Variants in GRIN2A observed in about 807,000 individuals in gnomAD.
GRIN2A encodes the protein glutamate ionotropic receptor NMDA type subunit 2A.
A neutral mutation model predicts 113.4 loss-of-function variants in GRIN2A; 22 were observed. The observed-to-expected ratio is 0.19, with a 90% CI of 0.14 to 0.28. The LOEUF is 0.28. GRIN2A is among the 10% of genes least tolerant of loss of function. The pLI is 1.00. For synonymous variants in GRIN2A, 827 were observed against 738.4 expected (o/e 1.12, Z -1.94); for missense variants, 1,502 against 1,887.0 (o/e 0.80, Z 3.78).
chr16:10,040,165 A>G (rs1041386259), intron 2 of GRIN2A, among the ~76,000 whole-genome samples: 1 of 52,694 alleles, frequency 1.9e-5, no homozygotes, highest in Non-Finnish European at 3.9e-5. Context: ...AACTTCACTC[A>G]GTGCACATGC....
chr16:9,982,709 T>C (rs1374745344), intron 2 of GRIN2A, among the ~76,000 whole-genome samples: 1 of 152,232 alleles, frequency 6.6e-6, no homozygotes, highest in Non-Finnish European at 1.5e-5. Context: ...GTTCCATCTT[T>C]GGCCAGTTGA....
chr16:10,083,165 C>T (rs560898996), intron 2 of GRIN2A, among the ~76,000 whole-genome samples: 1 of 152,336 alleles, frequency 6.6e-6, no homozygotes, highest in Admixed American at 6.5e-5. Context: ...AAGAAACCCC[C>T]ACATTTGTCA....
intron 9 of GRIN2A, 152 bp from the exon 10 acceptor site, chr16:9,822,576 T>G: frequency 1.5e-6 from 1 of 686,812 alleles, no homozygotes; most frequent in Non-Finnish European, 2.6e-6. Context: ...AAAATGTTGC[T>G]TTTTGGTCTT....
At chr16:10,149,152 T>C (rs759325850) in intron 2 of GRIN2A, among the ~76,000 whole-genome samples, 1 of 152,202 alleles carries the variant, frequency 6.6e-6, no homozygotes, top group South Asian at 2.1e-4. Context: ...AGATATGGTA[T>C]TTGAATGCAC....
chr16:9,854,755 G>C (rs1308176140), intron 4 of GRIN2A, among the ~76,000 whole-genome samples: 1 of 152,132 alleles, frequency 6.6e-6, no homozygotes, highest in Non-Finnish European at 1.5e-5. Context: ...TCTGAAGTGT[G>C]AGCCAATACC....
chr16:10,156,981 T>TG (rs1167349054), intron 2 of GRIN2A, among the ~76,000 whole-genome samples: 8 of 152,146 alleles, frequency 5.3e-5, no homozygotes, highest in Admixed American at 1.3e-4. Context: ...CTGGTGGTGA[T>TG]GGGGGGCAGA....
chr16:9,964,546 G>A (rs1201870136), intron 2 of GRIN2A, among the ~76,000 whole-genome samples: 2 of 152,178 alleles, frequency 1.3e-5, no homozygotes, highest in African/African-American at 2.4e-5. Flanking sequence ...AAATCAAGGT[G>A]TCAGCAGGAT....
At chr16:9,870,330 T>C (rs1389360971) in intron 4 of GRIN2A, among the ~76,000 whole-genome samples, 2 of 152,106 alleles carry the variant, frequency 1.3e-5, no homozygotes, top group Non-Finnish European at 2.9e-5. Flanking sequence ...ATACACTTGC[T>C]AGTGTTCACT....
intron 11 of GRIN2A, among the ~76,000 whole-genome samples, chr16:9,778,514 T>G (rs563022810): frequency 6.6e-6 from 1 of 152,336 alleles, no homozygotes; most frequent in Non-Finnish European, 1.5e-5. Context: ...TTCTTGTGTT[T>G]TAAACACATA....
At chr16:9,989,695 C>A (rs1318340027) in intron 2 of GRIN2A, among the ~76,000 whole-genome samples, 1 of 151,790 alleles carries the variant, frequency 6.6e-6, no homozygotes, top group East Asian at 1.9e-4. Context: ...AGAAAAAAAA[C>A]AAATAACTCC....
intron 11 of GRIN2A, among the ~76,000 whole-genome samples, chr16:9,773,605 T>C (rs1478856637): frequency 3.3e-5 from 5 of 152,176 alleles, no homozygotes; most frequent in African/African-American, 1.2e-4. Context: ...CACACTGCCT[T>C]TGTCTCCCCA....
chr16:10,126,747 C>T (rs1268862240), intron 2 of GRIN2A, among the ~76,000 whole-genome samples: 3 of 152,108 alleles, frequency 2.0e-5, no homozygotes, highest in Non-Finnish European at 4.4e-5. Flanking sequence ...GACCACAAAG[C>T]AACCATTTGA....
At chr16:10,066,495 G>A (rs181572697) in intron 2 of GRIN2A, among the ~76,000 whole-genome samples, 130 of 152,306 alleles carry the variant, frequency 8.5e-4, no homozygotes, top group African/African-American at 2.8e-3. Flanking sequence ...ACAAATGCAA[G>A]AGGGCGTCAA....
At chr16:9,835,546 C>T (rs930260774) in intron 7 of GRIN2A, among the ~76,000 whole-genome samples, 1 of 152,176 alleles carries the variant, frequency 6.6e-6, no homozygotes, top group Non-Finnish European at 1.5e-5. Context: ...GAATACATCT[C>T]CACCTGAATG....
At chr16:9,778,527 G>T (rs961738846) in intron 11 of GRIN2A, among the ~76,000 whole-genome samples, 7 of 152,074 alleles carry the variant, frequency 4.6e-5, no homozygotes, top group Non-Finnish European at 1.0e-4. Flanking sequence ...AACACATACA[G>T]ATTTAAGAAA....
intron 2 of GRIN2A, among the ~76,000 whole-genome samples, chr16:9,942,229 A>G (rs1460903513): frequency 1.3e-5 from 2 of 152,134 alleles, no homozygotes; most frequent in African/African-American, 2.4e-5. Flanking sequence ...GCCCTGCTCT[A>G]TAGTCATCAA....
chr16:9,779,135 A>C (rs751023903), intron 11 of GRIN2A, among the ~76,000 whole-genome samples: 2 of 152,214 alleles, frequency 1.3e-5, no homozygotes, highest in Admixed American at 6.5e-5. Flanking sequence ...AAATGCCTGA[A>C]TGATCCATTT....
intron 2 of GRIN2A, among the ~76,000 whole-genome samples, chr16:10,056,934 C>T (rs537296986): frequency 2.6e-5 from 4 of 152,066 alleles, no homozygotes; most frequent in Non-Finnish European, 5.9e-5. Context: ...GAAACTAATA[C>T]ACCACCTCCC....
At chr16:10,045,147 G>C (rs376005262) in intron 2 of GRIN2A, among the ~76,000 whole-genome samples, 2 of 152,262 alleles carry the variant, frequency 1.3e-5, no homozygotes, top group East Asian at 3.9e-4. Flanking sequence ...CCAATTGGCC[G>C]AAGTCTTCCT....
Sources: allele counts gnomAD v4.1 joint callset (sites outside exome capture counted in the v4.1 genomes callset), GRCh38; gene constraint gnomAD v4.1.1; transcripts MANE v1.5; gene names NCBI Gene and HGNC (gene_info 2026-07-23, HGNC 2026-07-21).